TTC28: variants seen among roughly 807,000 people sequenced by gnomAD.
The protein encoded by TTC28 is tetratricopeptide repeat protein 28.
In TTC28, 61 loss-of-function variants were observed where a neutral mutation model predicts 198.0. That is an observed-to-expected ratio of 0.31 (90% confidence interval 0.25 to 0.38). TTC28 has a LOEUF of 0.38. Ranked by LOEUF, TTC28 falls within the 10% of genes least tolerant of loss-of-function variation. The pLI is 1.00. For missense variants in TTC28, 2,678 were observed against 3,164.0 expected (o/e 0.85, Z 3.69); for synonymous variants, 1,171 against 1,297.8 (o/e 0.90, Z 2.10).
chr22:28,487,104 G>T (rs2048322795), intron 2 of TTC28, among the ~76,000 whole-genome samples: 1 of 151,910 alleles, frequency 6.6e-6, no homozygotes, highest in Non-Finnish European at 1.5e-5. Flanking sequence ...AAAATCGATG[G>T]TGAATTTTTT....
intron 2 of TTC28, among the ~76,000 whole-genome samples, chr22:28,553,588 G>A (rs1259454806): frequency 2.6e-5 from 4 of 151,156 alleles, no homozygotes; most frequent in Admixed American, 6.6e-5. Context: ...CCCTCCGCCC[G>A]GCAGCCACCC....
intron 2 of TTC28, among the ~76,000 whole-genome samples, chr22:28,436,273 T>C (rs1381055994): frequency 6.6e-6 from 1 of 152,236 alleles, no homozygotes; most frequent in African/African-American, 2.4e-5. Context: ...TCACTGTGCA[T>C]CTCATCCCAT....
chr22:28,247,575 C>T lies in TTC28; in HGVS notation c.933+48623G>A, dbSNP rs776003262. Among the ~76,000 whole-genome samples, 8 of 152,262 alleles carry T rather than the reference C, an allele frequency of 5.3e-5. No homozygotes were observed. In the South Asian group the frequency reaches 6.2e-4, roughly 12 times the overall value. On this transcript the variant is annotated intron_variant, in intron 5 of 22. Coordinates refer to ENST00000397906, the MANE Select transcript of TTC28 (RefSeq NM_001145418.2). ...TGGGATCAGAGCTACCTATAACAGA[C>T]GACATCTCACCATTCTCTGAGCACA...
Position 28,679,756 on chromosome 22 carries a change from C to G in TTC28, c.-33G>C. On this transcript the variant is annotated 5_prime_UTR_variant, in exon 1 of 23. Coordinates refer to ENST00000397906, the MANE Select transcript of TTC28 (RefSeq NM_001145418.2). Reference sequence around the variant, plus strand: ...GGGCCCGGGCCGCGTCCGCCTCGAGCTAACGGTCCCGCCAGCTAGGCGCGC... The same window carrying G: ...GGGCCCGGGCCGCGTCCGCCTCGAGGTAACGGTCCCGCCAGCTAGGCGCGC... The G allele has an allele frequency of 8.8e-7, 1 of 1,136,334 alleles. No homozygotes were observed. The highest frequency in any genetic ancestry group is 1.1e-6 in the Non-Finnish European group (1 of 910,530). 70.4% of individuals were successfully genotyped at this position (1,136,334 alleles called of 1,614,324 possible). A position where few individuals can be genotyped will look rare whatever the true frequency, so the allele number is the denominator to read the frequency against.
At chr22:28,520,875 A>C (rs1352562425) in intron 2 of TTC28, among the ~76,000 whole-genome samples, 2 of 152,066 alleles carry the variant, frequency 1.3e-5, no homozygotes, top group Admixed American at 1.3e-4. Context: ...CAACATGGTA[A>C]AACCCCGTCT....
chr22:28,593,919 G>A (rs556908338), intron 2 of TTC28, among the ~76,000 whole-genome samples: 24 of 152,198 alleles, frequency 1.6e-4, no homozygotes, highest in African/African-American at 5.3e-4. Flanking sequence ...TCAGGAATGA[G>A]GTATTTTGCA....
At chr22:28,402,363 A>G (rs2046927257) in intron 2 of TTC28, among the ~76,000 whole-genome samples, 4 of 152,310 alleles carry the variant, frequency 2.6e-5, no homozygotes, top group Admixed American at 6.5e-5. Context: ...CAGTTCACTA[A>G]AAGTCCTGTG....
At position 28,533,941 on chromosome 22, in the gene TTC28, T is replaced by G. The variant is rs369000247; in HGVS notation, c.381+95611A>C. On this transcript the variant is annotated intron_variant, in intron 2 of 22. Coordinates refer to ENST00000397906, the MANE Select transcript of TTC28 (RefSeq NM_001145418.2). The stretch of plus-strand genomic sequence containing the variant: ...GGATTAAAGACTTAAATGTTAGACC[T>G]AAAACCATAAAAACCCTAGAAGAAA... Among the ~76,000 whole-genome samples, 7 of 152,228 alleles carry G rather than the reference T, an allele frequency of 4.6e-5. No individual in the cohort carries two copies. In the South Asian group the frequency reaches 8.3e-4, roughly 18 times the overall value.
chr22:28,186,535 A>T (rs141914064), intron 5 of TTC28, among the ~76,000 whole-genome samples: 173 of 152,236 alleles, frequency 1.1e-3, no homozygotes, highest in African/African-American at 4.1e-3. Context: ...AGTTCAGAGG[A>T]CCATTTAAAT....
intron 2 of TTC28, among the ~76,000 whole-genome samples, chr22:28,366,505 A>G (rs984211607): frequency 1.3e-5 from 2 of 152,142 alleles, no homozygotes; most frequent in African/African-American, 2.4e-5. Context: ...ATAAAAAGTA[A>G]TAAGTACTTA....
intron 6 of TTC28, among the ~76,000 whole-genome samples, chr22:28,160,807 A>G (rs1230914590): frequency 6.6e-6 from 1 of 152,196 alleles, no homozygotes; most frequent in Admixed American, 6.5e-5. Flanking sequence ...ATTTTTTACA[A>G]AACTAAGTGC....
chr22:28,663,036 C>G (rs1040284242), intron 1 of TTC28, among the ~76,000 whole-genome samples: 26 of 152,014 alleles, frequency 1.7e-4, no homozygotes, highest in African/African-American at 6.0e-4. Flanking sequence ...ATCTCGAGGT[C>G]AGGAGATCGA....
At position 28,530,015 on chromosome 22, in the gene TTC28, G is replaced by A. The variant is rs774915932; in HGVS notation, c.381+99537C>T. 4.6e-5 allele frequency among the ~76,000 whole-genome samples: 7 copies of A among 152,200 alleles called. No homozygotes were observed. In the East Asian group the frequency reaches 5.8e-4, roughly 13 times the overall value. On this transcript the variant is annotated intron_variant, in intron 2 of 22. Coordinates refer to ENST00000397906, the MANE Select transcript of TTC28 (RefSeq NM_001145418.2). ...AGCACCTCTTCTCCTCCAAAGGAAC[G>A]AAGCTCCTCGCCAGCAACGGAACAA...
intron 2 of TTC28, among the ~76,000 whole-genome samples, chr22:28,392,971 G>A (rs962955147): frequency 2.8e-4 from 41 of 144,616 alleles, no homozygotes; most frequent in African/African-American, 1.0e-3. Context: ...CGACCTCCTG[G>A]GCTTAAGCTA....
intron 5 of TTC28, among the ~76,000 whole-genome samples, chr22:28,193,056 C>G (rs1183279772): frequency 6.6e-6 from 1 of 152,116 alleles, no homozygotes. Context: ...TCGGGTTATC[C>G]ACAAAGGAAG....
rs546361209 is a variant in TTC28, at chr22:28,133,164, C to T, written c.1442-24761G>A. On this transcript the variant is annotated intron_variant, in intron 6 of 22. Transcript: ENST00000397906. ...CTTGAAACCAGAAGTTGGAGGTTGC[C>T]GTGAGGTGAGATCGTGCCATTGCAC... Among the ~76,000 whole-genome samples, 511 of 152,196 alleles carry T rather than the reference C, an allele frequency of 3.4e-3. 3 individuals are homozygous for T. Among genetic ancestry groups the T allele is most frequent in the African/African-American group, 0.011 (476 of 41,534 alleles).
At chr22:28,386,862 C>CT (rs1200590717) in intron 2 of TTC28, among the ~76,000 whole-genome samples, 4 of 151,488 alleles carry the variant, frequency 2.6e-5, no homozygotes, top group Admixed American at 6.6e-5. Context: ...TATTATTATA[C>CT]TTTAAGTTTT....
chr22:27,998,995 G>C lies in TTC28; in HGVS notation c.4664C>G (p.Ala1555Gly). The C allele has an allele frequency of 6.4e-7, 1 of 1,550,604 alleles. No homozygotes were observed. Among genetic ancestry groups the C allele is most frequent in the Non-Finnish European group, 8.7e-7 (1 of 1,147,000 alleles). The change falls in exon 16 of 23, where the codon GCC becomes GGC. Residue 1555 changes from alanine to glycine, a missense_variant. This residue lies in a region of TTC28 where 727 missense variants were observed against 861.9 expected (regional missense o/e 0.84). Coordinates refer to ENST00000397906, the MANE Select transcript of TTC28 (RefSeq NM_001145418.2). ...GTCCATGCTGGGCGTGAGGACCAAG[G>C]CCGACAGCTTCCAGGAGATGTGGGT... ...FATHISWKLSALVLTPSMDGN... is the reference protein window; with the variant it reads ...FATHISWKLSGLVLTPSMDGN...
At chr22:28,379,901 T>G (rs2046469212) in intron 2 of TTC28, among the ~76,000 whole-genome samples, 1 of 151,956 alleles carries the variant, frequency 6.6e-6, no homozygotes, top group Admixed American at 6.6e-5. Flanking sequence ...AGAAGTGACT[T>G]AAGGAGATAG....
Sources: allele counts gnomAD v4.1 joint callset (sites outside exome capture counted in the v4.1 genomes callset), GRCh38; gene constraint gnomAD v4.1.1; regional missense constraint gnomAD v4.1.1; transcripts MANE v1.5; gene names NCBI Gene and HGNC (gene_info 2026-07-23, HGNC 2026-07-21).